Variants in PCDH11X observed in about 807,000 individuals in gnomAD.
PCDH11X encodes protocadherin-11 X-linked.
In PCDH11X, 18 loss-of-function variants were observed where a neutral mutation model predicts 53.3. The observed-to-expected ratio is 0.34, with a 90% CI of 0.23 to 0.50. The LOEUF (loss-of-function observed/expected upper bound fraction) is 0.50. Among genes scored for constraint, PCDH11X ranks in the 20% least tolerant of loss-of-function variants. The pLI is 0.98. For synonymous variants in PCDH11X, 279 were observed against 393.3 expected (o/e 0.71, Z 3.44); for missense variants, 570 against 1,032.4 (o/e 0.55, Z 6.14).
intron 10 of PCDH11X, among the ~76,000 whole-genome samples, chrX:92,515,161 C>G (rs1401470313): frequency 5.6e-5 from 6 of 107,663 alleles, no homozygotes; most frequent in African/African-American, 2.0e-4. Context: ...TCAAATAGTA[C>G]TATAATACGT....
At chrX:92,170,393 A>G (rs1002870643) in intron 6 of PCDH11X, among the ~76,000 whole-genome samples, 1 of 111,224 alleles carries the variant, frequency 9.0e-6, no homozygotes, top group Non-Finnish European at 1.9e-5. Flanking sequence ...TGAAGAACAG[A>G]AAGCTTAAGA....
intron 7 of PCDH11X, among the ~76,000 whole-genome samples, chrX:92,259,231 T>C (rs6652629): frequency 0.12 from 13,212 of 110,876 alleles, 1,218 homozygotes; most frequent in African/African-American, 0.31. Context: ...TGTTACAATG[T>C]CCCACTCCTT....
intron 10 of PCDH11X, among the ~76,000 whole-genome samples, chrX:92,493,156 G>T (rs1032601661): frequency 1.8e-5 from 2 of 110,834 alleles, no homozygotes; most frequent in African/African-American, 6.6e-5. Flanking sequence ...ATACTAAAAG[G>T]TCATAAATAC....
At chrX:91,986,413 A>G (rs771883575) in intron 6 of PCDH11X, among the ~76,000 whole-genome samples, 204 of 110,826 alleles carry the variant, frequency 1.8e-3, no homozygotes, top group African/African-American at 6.3e-3. Flanking sequence ...AGATGTAGCA[A>G]CTGAGCCATA....
intron 8 of PCDH11X, among the ~76,000 whole-genome samples, chrX:92,272,571 T>C (rs886986272): frequency 1.8e-5 from 2 of 112,645 alleles, no homozygotes; most frequent in Non-Finnish European, 3.7e-5. Context: ...TTTTTATGCT[T>C]TAAATTAGAG....
At chrX:92,260,160 A>G (rs1219788110) in intron 7 of PCDH11X, among the ~76,000 whole-genome samples, 1 of 108,869 alleles carries the variant, frequency 9.2e-6, no homozygotes, top group Non-Finnish European at 1.9e-5. Context: ...CAGCACTAGG[A>G]CTCACCTAAG....
chrX:92,063,941 C>G (rs1244136016), intron 6 of PCDH11X, among the ~76,000 whole-genome samples: 1 of 106,902 alleles, frequency 9.4e-6, no homozygotes, highest in East Asian at 2.9e-4. Flanking sequence ...CTGAAACATT[C>G]CCTGTCTGCA....
chrX:92,275,423 T>C (rs1286787218), intron 8 of PCDH11X, among the ~76,000 whole-genome samples: 3 of 110,687 alleles, frequency 2.7e-5, no homozygotes, highest in Non-Finnish European at 5.7e-5. Context: ...ATGGGGGCTG[T>C]CTGTGAAGCC....
At chrX:92,384,936 C>T (rs2070979844) in intron 8 of PCDH11X, among the ~76,000 whole-genome samples, 1 of 98,518 alleles carries the variant, frequency 1.0e-5, no homozygotes, top group Admixed American at 1.1e-4. Context: ...TTGTTTTAAA[C>T]TATAAACTAA....
Position 92,280,017 on chromosome X carries a change from C to T in PCDH11X, c.3144+16874C>T, listed in dbSNP as rs763917297. Among the ~76,000 whole-genome samples, 8 of 112,025 alleles carry T rather than the reference C, an allele frequency of 7.1e-5. No individual in the cohort carries two copies. The East Asian group carries it at 2.2e-3, about 31-fold the overall frequency. ...TAGATACATTTACATACGCAAATAG[C>T]TACCATTGTGTTACAATTATGTGCA... On this transcript the variant is annotated intron_variant, in intron 8 of 10. Transcript: ENST00000682573.
chrX:91,796,926 T>C (rs965128310), intron 1 of PCDH11X, among the ~76,000 whole-genome samples: 5 of 111,720 alleles, frequency 4.5e-5, no homozygotes, highest in Non-Finnish European at 7.5e-5. Flanking sequence ...ACAGTCCAGA[T>C]TTTTAACCAG....
At chrX:92,581,112 T>C (rs1342678518) in intron 10 of PCDH11X, among the ~76,000 whole-genome samples, 1 of 111,698 alleles carries the variant, frequency 9.0e-6, no homozygotes, top group Non-Finnish European at 1.9e-5. Flanking sequence ...CATTTTGCAA[T>C]TGATAGAATA....
intron 5 of PCDH11X, among the ~76,000 whole-genome samples, chrX:91,837,331 T>G (rs1602331241): frequency 8.9e-6 from 1 of 111,971 alleles, no homozygotes. Flanking sequence ...TTGAATACTG[T>G]TGGTGGGAAT....
chrX:92,438,553 A>T (rs1603313114), intron 9 of PCDH11X, among the ~76,000 whole-genome samples: 2 of 110,671 alleles, frequency 1.8e-5, no homozygotes, highest in African/African-American at 6.6e-5. Context: ...AGCATGCCAT[A>T]AAACCTAGGA....
At chrX:92,552,994 C>CATGTGT (rs753893286) in intron 10 of PCDH11X, among the ~76,000 whole-genome samples, 6 of 88,909 alleles carry the variant, frequency 6.7e-5, no homozygotes, top group South Asian at 6.2e-4. Context: ...CTGCAATTTT[C>CATGTGT]GTGTGTGTGT....
At chrX:92,500,463 TG>T (rs2073941432) in intron 10 of PCDH11X, among the ~76,000 whole-genome samples, 1 of 110,706 alleles carries the variant, frequency 9.0e-6, no homozygotes, top group Admixed American at 9.7e-5. Flanking sequence ...ACATCAGGGA[TG>T]ATCTAAAAGG....
At chrX:91,994,999 G>T (rs1384229935) in intron 6 of PCDH11X, among the ~76,000 whole-genome samples, 4 of 110,806 alleles carry the variant, frequency 3.6e-5, no homozygotes, top group Non-Finnish European at 5.7e-5. Flanking sequence ...GGATTATTCG[G>T]TGTTTTATAA....
At chrX:92,145,188 A>G (rs938585880) in intron 6 of PCDH11X, among the ~76,000 whole-genome samples, 1 of 111,610 alleles carries the variant, frequency 9.0e-6, no homozygotes, top group African/African-American at 3.3e-5. Context: ...TTTTGTATTC[A>G]TTAAGTGTAA....
chrX:92,600,992 C>T (rs1441215799), intron 10 of PCDH11X, among the ~76,000 whole-genome samples: 1 of 111,111 alleles, frequency 9.0e-6, no homozygotes, highest in Non-Finnish European at 1.9e-5. Context: ...TCGTTTTGGC[C>T]AATTTCTCCC....
Sources: allele counts gnomAD v4.1 joint callset (sites outside exome capture counted in the v4.1 genomes callset), GRCh38; gene constraint gnomAD v4.1.1; transcripts MANE v1.5; gene names NCBI Gene and HGNC (gene_info 2026-07-23, HGNC 2026-07-21).